Variants in PPARGC1A observed in about 807,000 individuals in gnomAD.
PPARGC1A encodes peroxisome proliferator-activated receptor gamma coactivator 1-alpha.
A neutral mutation model predicts 88.7 loss-of-function variants in PPARGC1A; 25 were observed. The ratio of observed to expected loss-of-function variants is 0.28; its 90% confidence interval spans 0.21 to 0.39. The LOEUF (loss-of-function observed/expected upper bound fraction) is 0.39, where lower values mean the gene tolerates loss of function less well. PPARGC1A is among the 10% of genes least tolerant of loss of function. The pLI is 1.00. For synonymous variants in PPARGC1A, 363 were observed against 355.6 expected (o/e 1.02, Z -0.24); for missense variants, 880 against 968.7 (o/e 0.91, Z 1.22).
At chr4:24,096,497 T>C in the PPARGC1A span, among the ~76,000 whole-genome samples, 1 of 152,238 alleles carries the variant, frequency 6.6e-6, no homozygotes, top group East Asian at 1.9e-4. Context: ...TGTAGTACTT[T>C]GTTACCACAG....
the PPARGC1A span, among the ~76,000 whole-genome samples, chr4:24,005,375 T>A: frequency 6.6e-6 from 1 of 152,198 alleles, no homozygotes; most frequent in Non-Finnish European, 1.5e-5. Flanking sequence ...AAAGTCAGCA[T>A]GGTAGTCTGG....
chr4:24,153,721 A>G, the PPARGC1A span, among the ~76,000 whole-genome samples: 1 of 152,192 alleles, frequency 6.6e-6, no homozygotes, highest in Non-Finnish European at 1.5e-5. Context: ...GCTATAATTA[A>G]TAGAGGTTAA....
At chr4:24,293,643 C>T in the PPARGC1A span, among the ~76,000 whole-genome samples, 1 of 132,228 alleles carries the variant, frequency 7.6e-6, no homozygotes, top group Admixed American at 7.6e-5. Context: ...CTACCCCTGC[C>T]TGTGTTCCTC....
the PPARGC1A span, among the ~76,000 whole-genome samples, chr4:24,049,060 C>A: frequency 6.6e-6 from 1 of 151,690 alleles, no homozygotes; most frequent in African/African-American, 2.4e-5. Context: ...AACTCCTCCA[C>A]CCCAAGAAAA....
chr4:24,166,264 G>T, the PPARGC1A span, among the ~76,000 whole-genome samples: 1 of 152,208 alleles, frequency 6.6e-6, no homozygotes, highest in Non-Finnish European at 1.5e-5. Context: ...TCCGAAGCTG[G>T]CAGGGGTTAG....
intron 12 of PPARGC1A, among the ~76,000 whole-genome samples, chr4:23,798,570 T>G (rs1400024040): frequency 6.6e-6 from 1 of 152,340 alleles, no homozygotes; most frequent in Non-Finnish European, 1.5e-5. Flanking sequence ...ATGAATAATT[T>G]ATAATGTATG....
At chr4:24,068,088 A>T in the PPARGC1A span, among the ~76,000 whole-genome samples, 7 of 152,204 alleles carry the variant, frequency 4.6e-5, no homozygotes, top group African/African-American at 1.4e-4. Flanking sequence ...TGGCACTGCT[A>T]GGCACAGACC....
the PPARGC1A span, among the ~76,000 whole-genome samples, chr4:23,922,400 C>T: frequency 2.6e-5 from 4 of 152,204 alleles, no homozygotes; most frequent in Admixed American, 1.3e-4. Flanking sequence ...ACCATCGAAG[C>T]GTTTCTCCTC....
chr4:24,191,207 A>G, the PPARGC1A span, among the ~76,000 whole-genome samples: 1 of 152,210 alleles, frequency 6.6e-6, no homozygotes, highest in Non-Finnish European at 1.5e-5. Flanking sequence ...CAACTCATCT[A>G]AATAGGGTCA....
chr4:23,994,913 A>C, the PPARGC1A span, among the ~76,000 whole-genome samples: 1 of 152,216 alleles, frequency 6.6e-6, no homozygotes, highest in Non-Finnish European at 1.5e-5. Flanking sequence ...AGACCATCTC[A>C]GACTTCAAAT....
chr4:24,111,934 C>T, the PPARGC1A span, among the ~76,000 whole-genome samples: 1 of 152,140 alleles, frequency 6.6e-6, no homozygotes, highest in Non-Finnish European at 1.5e-5. Flanking sequence ...TTACAACTAA[C>T]TGAAATGTCA....
At chr4:24,168,888 A>G in the PPARGC1A span, among the ~76,000 whole-genome samples, 1 of 152,250 alleles carries the variant, frequency 6.6e-6, no homozygotes, top group African/African-American at 2.4e-5. Flanking sequence ...ATTTATCTAA[A>G]TATGCTGTCT....
the PPARGC1A span, among the ~76,000 whole-genome samples, chr4:24,030,552 C>T: frequency 6.6e-6 from 1 of 152,128 alleles, no homozygotes; most frequent in South Asian, 2.1e-4. Context: ...TAATATTTCC[C>T]CGTAATACAG....
intron 4 of PPARGC1A, 74 bp downstream of exon 4, chr4:23,829,389 A>T (rs1724589204): frequency 1.3e-6 from 2 of 1,513,936 alleles, no homozygotes; most frequent in Non-Finnish European, 1.8e-6. Flanking sequence ...ATACCTACAA[A>T]CTTATTTGTT....
chr4:23,887,600 T>C (rs1717127067), intron 1 of PPARGC1A, among the ~76,000 whole-genome samples: 1 of 152,304 alleles, frequency 6.6e-6, no homozygotes, highest in Admixed American at 6.5e-5. Flanking sequence ...AGGCTAATTA[T>C]TGTATGTTAT....
chr4:23,805,363 G>A (rs974440639), intron 10 of PPARGC1A, among the ~76,000 whole-genome samples: 1 of 152,158 alleles, frequency 6.6e-6, no homozygotes, highest in African/African-American at 2.4e-5. Context: ...AATCACCTCT[G>A]AAAATCAAAG....
chr4:23,955,242 G>C, the PPARGC1A span, among the ~76,000 whole-genome samples: 1 of 151,932 alleles, frequency 6.6e-6, no homozygotes, highest in Non-Finnish European at 1.5e-5. Context: ...AACATCTAAT[G>C]CTTGTGTTTC....
chr4:24,214,404 A>G, the PPARGC1A span, among the ~76,000 whole-genome samples: 1 of 152,184 alleles, frequency 6.6e-6, no homozygotes, highest in Non-Finnish European at 1.5e-5. Flanking sequence ...ATGCCTCGAA[A>G]ACTGTGCCCT....
At chr4:24,257,929 T>A in the PPARGC1A span, among the ~76,000 whole-genome samples, 2 of 152,146 alleles carry the variant, frequency 1.3e-5, no homozygotes, top group East Asian at 3.8e-4. Context: ...TTTTTACATA[T>A]AATAATATAC....
Sources: gnomAD v4.1 joint callset for allele counts (sites outside exome capture counted in the v4.1 genomes callset) on GRCh38, gnomAD v4.1.1 for gene constraint, MANE v1.5 for transcripts, NCBI Gene and HGNC (gene_info 2026-07-23, HGNC 2026-07-21) for gene names.